Variants in MCCC1 observed in about 807,000 individuals in gnomAD.
MCCC1 encodes methylcrotonyl-CoA carboxylase subunit 1.
Under a neutral mutation model 83.8 loss-of-function variants are expected in MCCC1, and 64 were observed. That is an observed-to-expected ratio of 0.76 (90% CI 0.62 to 0.94). The LOEUF (loss-of-function observed/expected upper bound fraction) is 0.94, where lower values mean the gene tolerates loss of function less well. Ranked by LOEUF, MCCC1 falls within the 40% of genes least tolerant of loss-of-function variation. The pLI is 0.00. For synonymous variants in MCCC1, 322 were observed against 315.4 expected, an observed-to-expected ratio of 1.02 and a Z score of -0.22; for missense variants, 807 against 904.7, an observed-to-expected ratio of 0.89 and a Z score of 1.39.
intron 12 of MCCC1, among the ~76,000 whole-genome samples, chr3:183,038,685 C>G (rs887206554): frequency 6.6e-6 from 1 of 152,118 alleles, no homozygotes; most frequent in African/African-American, 2.4e-5. Flanking sequence ...CTTTTATTTC[C>G]TAAGTATTTT....
chr3:183,068,049 C>A (rs1340165295), intron 7 of MCCC1, among the ~76,000 whole-genome samples: 1 of 152,128 alleles, frequency 6.6e-6, no homozygotes, highest in African/African-American at 2.4e-5. Flanking sequence ...CCCATTCAGC[C>A]TGAAGAAGTT....
In MCCC1 at chr3:183,045,450, A is replaced by G; in HGVS notation, c.1046T>C (p.Met349Thr). The G allele has an allele frequency of 6.2e-7, 1 of 1,614,142 alleles. No individual in the cohort carries two copies. Among genetic ancestry groups the G allele is most frequent in the Non-Finnish European group, 8.5e-7 (1 of 1,179,964 alleles). The change falls in exon 10 of 19, where the codon ATG becomes ACG. Residue 349 changes from methionine to threonine, a missense_variant. Met to Thr is a moderately conservative substitution (Grantham distance 81). Coordinates refer to ENST00000265594, the MANE Select transcript of MCCC1 (RefSeq NM_020166.5). ...CTCCACCAAGTCAGTTCCTGTGATCATCTCAGTAACAGGATGTTCCACTTG... is the reference window on the plus strand; with the variant it reads ...CTCCACCAAGTCAGTTCCTGTGATCGTCTCAGTAACAGGATGTTCCACTTG... The part of the protein sequence containing the change: ...RLQVEHPVTE[M>T]ITGTDLVEWQ...
chr3:183,099,582 G>C, upstream of MCCC1: 1 of 933,416 alleles, frequency 1.1e-6, no homozygotes, highest in Non-Finnish European at 1.6e-6. Context: ...GCTGATCCAA[G>C]AATGTGAGGG....
rs1712913568 is a variant in MCCC1, at chr3:183,029,950, T to C, written c.1681+4041A>G. 2.0e-5 allele frequency among the ~76,000 whole-genome samples: 3 copies of C among 152,172 alleles called. No homozygotes were observed. In the South Asian group the frequency reaches 6.2e-4, roughly 31 times the overall value. Reference sequence around the variant, plus strand: ...ATTGGAGGCCCCACCCTCTCAGTCTTATTTCCTACCATTCTCCTCCATGGA... The same window carrying C: ...ATTGGAGGCCCCACCCTCTCAGTCTCATTTCCTACCATTCTCCTCCATGGA... On this transcript the variant is annotated intron_variant, in intron 14 of 18. Transcript: ENST00000265594.
chr3:183,107,532 TATTTG>T (rs1284720498), intron 1 of MCCC1, among the ~76,000 whole-genome samples: 1 of 151,524 alleles, frequency 6.6e-6, no homozygotes, highest in Non-Finnish European at 1.5e-5. Flanking sequence ...TTATTATTAT[TATTTG>T]TTGTTGTTGT....
rs1224849028 is a variant in MCCC1 at position 183,064,476 on chromosome 3, A to C, written c.761+6523T>G. Among the ~76,000 whole-genome samples the C allele has an allele frequency of 6.6e-6, 1 of 152,128 alleles. No homozygotes were observed. The highest frequency in any genetic ancestry group is 1.5e-5 in the Non-Finnish European group (1 of 68,004). On this transcript the variant is annotated intron_variant, in intron 7 of 18. Coordinates refer to ENST00000265594, the MANE Select transcript of MCCC1 (RefSeq NM_020166.5). The surrounding 1 kb of genome is among the most constrained non-coding windows in gnomAD (Gnocchi z 4.5). ...TGGTGGGCACCCAGGAAGCTCCGTA[A>C]AGGCTTCTGGGACGGGCAGAAGCCC...
intron 11 of MCCC1, among the ~76,000 whole-genome samples, chr3:183,040,562 A>AAAAAC (rs1337609104): frequency 6.7e-6 from 1 of 149,702 alleles, no homozygotes; most frequent in Non-Finnish European, 1.5e-5. Flanking sequence ...AATACAAAAA[A>AAAAAC]AAAAAAAAAA....
chr3:183,094,053 T>C (rs1360316461), intron 2 of MCCC1, among the ~76,000 whole-genome samples: 2 of 148,738 alleles, frequency 1.3e-5, no homozygotes, highest in East Asian at 3.9e-4. Context: ...TTTTACTTTT[T>C]TTTTTTTTTT....
intron 9 of MCCC1, among the ~76,000 whole-genome samples, chr3:183,047,412 C>T (rs1714637051): frequency 6.6e-6 from 1 of 152,098 alleles, no homozygotes; most frequent in Non-Finnish European, 1.5e-5. Context: ...ATTCTCTTTA[C>T]CCAGTACACC....
intron 8 of MCCC1, among the ~76,000 whole-genome samples, chr3:183,052,858 A>G (rs1166320959): frequency 2.6e-5 from 4 of 151,558 alleles, no homozygotes; most frequent in Non-Finnish European, 5.9e-5. Context: ...TGTGCCGTAT[A>G]TAATACTTGA....
At chr3:183,028,057 G>A (rs772679068) in intron 14 of MCCC1, among the ~76,000 whole-genome samples, 8 of 152,156 alleles carry the variant, frequency 5.3e-5, no homozygotes, top group Non-Finnish European at 1.0e-4. Flanking sequence ...ACCTGGTTTC[G>A]AAGCTTCAAA....
intron 4 of MCCC1, among the ~76,000 whole-genome samples, chr3:183,080,866 C>T (rs1717439023): frequency 1.3e-5 from 2 of 152,180 alleles, no homozygotes; most frequent in Admixed American, 1.3e-4. Context: ...AGCAGGGAAA[C>T]TCCTGTTTCT....
chr3:183,038,415 G>A (rs771075894), intron 12 of MCCC1, among the ~76,000 whole-genome samples: 1 of 152,062 alleles, frequency 6.6e-6, no homozygotes, highest in Non-Finnish European at 1.5e-5. Flanking sequence ...CGGTGAGGCG[G>A]CCAGTGTGGT....
intron 13 of MCCC1, among the ~76,000 whole-genome samples, chr3:183,034,498 C>T (rs1417127848): frequency 6.6e-6 from 1 of 150,576 alleles, no homozygotes; most frequent in Non-Finnish European, 1.5e-5. Context: ...AAACTGGCAG[C>T]TCAGATGTGC....
upstream of MCCC1, among the ~76,000 whole-genome samples, chr3:183,102,493 A>T (rs1358252901): frequency 2.6e-5 from 4 of 152,204 alleles, no homozygotes; most frequent in Non-Finnish European, 5.9e-5. Context: ...AATAAAATGA[A>T]TATTAAGAGT....
upstream of MCCC1, among the ~76,000 whole-genome samples, chr3:183,103,684 C>A (rs1485100110): frequency 6.6e-6 from 1 of 152,252 alleles, no homozygotes. Context: ...GGTGGCTTCA[C>A]CCAGTGGGTC....
At chr3:183,095,159 T>C (rs1482445112) in intron 1 of MCCC1, among the ~76,000 whole-genome samples, 1 of 151,884 alleles carries the variant, frequency 6.6e-6, no homozygotes, top group African/African-American at 2.4e-5. Context: ...GGCGGGCACC[T>C]GTAGTCCCAG....
At chr3:183,051,864 A>C (rs1296534542) in intron 9 of MCCC1, among the ~76,000 whole-genome samples, 1 of 152,204 alleles carries the variant, frequency 6.6e-6, no homozygotes, top group Non-Finnish European at 1.5e-5. Context: ...AAAGTTTATT[A>C]ACCATAAAGA....
chr3:183,111,652 AG>A (rs1258183282), intron 1 of MCCC1, among the ~76,000 whole-genome samples: 6 of 152,210 alleles, frequency 3.9e-5, no homozygotes, highest in Non-Finnish European at 8.8e-5. Context: ...AGTTATTCTT[AG>A]GCCTATTGCA....
Sources: allele counts gnomAD v4.1 joint callset (sites outside exome capture counted in the v4.1 genomes callset), GRCh38; gene constraint gnomAD v4.1.1; non-coding constraint Gnocchi (gnomAD v3.1); transcripts MANE v1.5; gene names NCBI Gene and HGNC (gene_info 2026-07-23, HGNC 2026-07-21).